The following CADM2 variants were observed in gnomAD, a reference collection of about 807,000 sequenced individuals.
The protein encoded by CADM2 is cell adhesion molecule 2, also known as immunoglobulin superfamily member 4D.
A neutral mutation model predicts 49.8 loss-of-function variants in CADM2; 12 were observed. The observed-to-expected ratio is 0.24, with a 90% CI of 0.15 to 0.39. CADM2 has a LOEUF of 0.39. Ranked by LOEUF, CADM2 falls within the 10% of genes least tolerant of loss-of-function variation. CADM2 has a pLI of 1.00. For missense variants in CADM2, 378 were observed against 492.3 expected, an observed-to-expected ratio of 0.77 and a Z score of 2.20; for synonymous variants, 214 against 175.4, an observed-to-expected ratio of 1.22 and a Z score of -1.74.
At chr3:85,227,177 CCTGTTACTTTT>C (rs1431710955) in intron 1 of CADM2, among the ~76,000 whole-genome samples, 4 of 151,912 alleles carry the variant, frequency 2.6e-5, no homozygotes, top group African/African-American at 9.7e-5. Context: ...CCTAAATATC[CCTGTTACTTTT>C]CTGTCTCGTT....
chr3:85,941,667 T>A (rs1341072268), intron 7 of CADM2, among the ~76,000 whole-genome samples: 5 of 151,964 alleles, frequency 3.3e-5, no homozygotes, highest in African/African-American at 7.2e-5. Flanking sequence ...CAGAAGGAAT[T>A]AAGATTGAGT....
intron 1 of CADM2, among the ~76,000 whole-genome samples, chr3:85,314,183 C>G (rs771732478): frequency 6.6e-6 from 1 of 152,178 alleles, no homozygotes; most frequent in Non-Finnish European, 1.5e-5. Context: ...CCACCGCGCC[C>G]TGCCTGTACA....
chr3:86,020,297 A>G (rs948347943), intron 8 of CADM2, among the ~76,000 whole-genome samples: 2 of 151,706 alleles, frequency 1.3e-5, no homozygotes, highest in Non-Finnish European at 2.9e-5. Flanking sequence ...GAAGAAGTTG[A>G]ATCTCTGAAT....
chr3:85,000,119 T>TCTCTCTCTCTCTTTCTC (rs1468005577), intron 1 of CADM2, among the ~76,000 whole-genome samples: 32 of 145,136 alleles, frequency 2.2e-4, no homozygotes, highest in African/African-American at 7.5e-4. Flanking sequence ...CTACTTTCTC[T>TCTCTCTCTCTCTTTCTC]CTCTCTCTCT....
chr3:85,972,468 A>C (rs867353250), intron 8 of CADM2, among the ~76,000 whole-genome samples: 33 of 151,770 alleles, frequency 2.2e-4, no homozygotes, highest in African/African-American at 8.0e-4. Context: ...GGAGGACATT[A>C]GTGACATAAA....
At chr3:86,015,054 C>G in intron 8 of CADM2, 1 of 773,408 alleles carries the variant, frequency 1.3e-6, no homozygotes. Flanking sequence ...GGCGGACACA[C>G]ACGTTAAACC....
At chr3:85,432,616 G>C (rs1029351461) in intron 1 of CADM2, among the ~76,000 whole-genome samples, 2 of 152,162 alleles carry the variant, frequency 1.3e-5, no homozygotes, top group Non-Finnish European at 2.9e-5. Context: ...GAAATGTAGT[G>C]TACATAAAAC....
At chr3:85,568,391 T>C (rs1206856350) in intron 1 of CADM2, among the ~76,000 whole-genome samples, 1 of 123,536 alleles carries the variant, frequency 8.1e-6, no homozygotes, top group Non-Finnish European at 1.8e-5. Flanking sequence ...AATCTTTCCT[T>C]CCTCCCTCTT....
chr3:85,681,954 T>G (rs1245709992), intron 1 of CADM2, among the ~76,000 whole-genome samples: 1 of 152,130 alleles, frequency 6.6e-6, no homozygotes, highest in Non-Finnish European at 1.5e-5. Context: ...CAGCATGCAT[T>G]TTGCAATGTG....
In CADM2 at chr3:86,068,270, T is replaced by C. The variant is rs1370538233; in HGVS notation, c.*1487T>C. The C allele has an allele frequency of 6.6e-6, 1 of 152,354 alleles. No individual in the cohort carries two copies. Among genetic ancestry groups the C allele is most frequent in the Non-Finnish European group, 1.5e-5 (1 of 67,868 alleles). 9.4% of individuals were successfully genotyped at this position (152,354 alleles called of 1,614,324 possible). A position where few individuals can be genotyped will look rare whatever the true frequency, so the allele number is the denominator to read the frequency against. On this transcript the variant is annotated 3_prime_UTR_variant, in exon 10 of 10. Transcript: ENST00000383699. ...TTAACCATTAAGAAATGCTGTATTC[T>C]TAAATATGAAACAGTTAATCTAAAG...
At chr3:85,568,400 TTTCTTTCTTTC>T (rs1329522563) in intron 1 of CADM2, among the ~76,000 whole-genome samples, 1 of 22,986 alleles carries the variant, frequency 4.4e-5, no homozygotes, top group African/African-American at 1.2e-4. Context: ...TTCCTCCCTC[TTTCTTTCTTTC>T]TTTCTTTCTT....
chr3:85,451,397 C>G (rs1002807841), intron 1 of CADM2, among the ~76,000 whole-genome samples: 2 of 152,032 alleles, frequency 1.3e-5, no homozygotes, highest in African/African-American at 2.4e-5. Flanking sequence ...ATGACCTTTT[C>G]GTAACCATTC....
At chr3:85,490,613 A>G (rs1033162450) in intron 1 of CADM2, among the ~76,000 whole-genome samples, 3 of 152,066 alleles carry the variant, frequency 2.0e-5, no homozygotes, top group African/African-American at 7.2e-5. Flanking sequence ...AAAATCCAAA[A>G]TTGTAAAAAA....
chr3:85,294,604 G>A (rs1261502611), intron 1 of CADM2, among the ~76,000 whole-genome samples: 1 of 151,816 alleles, frequency 6.6e-6, no homozygotes, highest in East Asian at 1.9e-4. Flanking sequence ...ATAGATCAAT[G>A]GAACAGAACA....
intron 1 of CADM2, among the ~76,000 whole-genome samples, chr3:85,453,597 G>T (rs2037851967): frequency 6.6e-6 from 1 of 151,816 alleles, no homozygotes; most frequent in South Asian, 2.1e-4. Context: ...TTTTTTTTGT[G>T]TGACATCTTT....
In CADM2 at chr3:86,065,683, C is replaced by T. The variant is rs760780102; in HGVS notation, c.1049C>T (p.Thr350Met). Reference sequence around the variant, plus strand: ...ATAGTGGCTGTAGTTGTATTTGTCACGCTGTGTTCTATCTTTCTGCTTGGT... The same window carrying T: ...ATAGTGGCTGTAGTTGTATTTGTCATGCTGTGTTCTATCTTTCTGCTTGGT... The part of the protein sequence containing the change: ...GGIVAVVVFV[T>M]LCSIFLLGRY... Residue 350 changes from threonine to methionine, a missense_variant, in exon 9 of 10, where the codon ACG (threonine) becomes ATG (methionine). Coordinates refer to ENST00000383699, the MANE Select transcript of CADM2 (RefSeq NM_001167675.2). 25 of 1,613,888 alleles carry T rather than the reference C, an allele frequency of 1.5e-5. No homozygotes were observed. The highest frequency in any genetic ancestry group is 1.6e-4 in the Middle Eastern group (1 of 6,078).
intron 3 of CADM2, among the ~76,000 whole-genome samples, chr3:85,835,459 T>C (rs553075160): frequency 9.2e-5 from 14 of 151,358 alleles, no homozygotes; most frequent in African/African-American, 3.4e-4. Flanking sequence ...CTTTGCTATG[T>C]ACTGAGTCTA....
chr3:85,765,793 G>A (rs1419030488), intron 2 of CADM2, among the ~76,000 whole-genome samples: 1 of 151,872 alleles, frequency 6.6e-6, no homozygotes, highest in Admixed American at 6.6e-5. Flanking sequence ...CTAAGAAAAT[G>A]TCCTGTGTAG....
At chr3:85,818,501 A>G (rs994810085) in intron 3 of CADM2, among the ~76,000 whole-genome samples, 4 of 152,138 alleles carry the variant, frequency 2.6e-5, no homozygotes, top group African/African-American at 4.8e-5. Context: ...GCAAACCAAA[A>G]TGTGCATTTC....
Sources: gnomAD v4.1 joint callset for allele counts (sites outside exome capture counted in the v4.1 genomes callset) on GRCh38, gnomAD v4.1.1 for gene constraint, MANE v1.5 for transcripts, NCBI Gene and HGNC (gene_info 2026-07-23, HGNC 2026-07-21) for gene names.